Variants in LSP1 observed in about 807,000 individuals in gnomAD.
The protein encoded by LSP1 is lymphocyte-specific protein 1.
Under a neutral mutation model 49.3 loss-of-function variants are expected in LSP1, and 32 were observed. The observed-to-expected ratio is 0.65, with a 90% CI of 0.49 to 0.87. The LOEUF is 0.87. Among genes scored for constraint, LSP1 ranks in the 40% least tolerant of loss-of-function variants. LSP1 has a pLI of 0.00. For synonymous variants in LSP1, 179 were observed against 178.8 expected (o/e 1.00, Z -0.01); for missense variants, 428 against 442.6 (o/e 0.97, Z 0.30).
At chr11:1,874,922 C>T (rs1004683075) in intron 1 of LSP1, among the ~76,000 whole-genome samples, 16 of 152,156 alleles carry the variant, frequency 1.1e-4, no homozygotes, top group African/African-American at 3.9e-4. Flanking sequence ...TGGGGCTGGG[C>T]TTTCTACCTC....
chr11:1,872,906 C>G (rs1309686186), intron 1 of LSP1, among the ~76,000 whole-genome samples: 1 of 151,952 alleles, frequency 6.6e-6, no homozygotes, highest in African/African-American at 2.4e-5. Context: ...TCATGAAGCT[C>G]AGGGGGCTTC....
At chr11:1,875,365 G>T (rs1848264751) in intron 1 of LSP1, among the ~76,000 whole-genome samples, 1 of 152,186 alleles carries the variant, frequency 6.6e-6, no homozygotes, top group Non-Finnish European at 1.5e-5. Flanking sequence ...ACAGGAGGCG[G>T]GGGACCCAGC....
At chr11:1,873,356 C>T (rs1848124928) in intron 1 of LSP1, among the ~76,000 whole-genome samples, 1 of 152,078 alleles carries the variant, frequency 6.6e-6, no homozygotes, top group African/African-American at 2.4e-5. Flanking sequence ...CCTGCCAGCT[C>T]CCCTCTGTGC....
At chr11:1,868,631 C>G in intron 1 of LSP1, 11 of 984,772 alleles carry the variant, frequency 1.1e-5, no homozygotes, top group Non-Finnish European at 1.2e-5. Flanking sequence ...TGGGCCCATC[C>G]AGGCCTGAGA....
chr11:1,881,624 T>G, intron 3 of LSP1, 28 bp downstream of exon 3: 3 of 1,446,288 alleles, frequency 2.1e-6, no homozygotes, highest in Non-Finnish European at 2.7e-6. Flanking sequence ...GGGCGGGCGC[T>G]GGGCAGAGCA....
chr11:1,853,662 G>A (rs61867141), intron 1 of LSP1, among the ~76,000 whole-genome samples: 22,686 of 152,246 alleles, frequency 0.15, 2,122 homozygotes, highest in Admixed American at 0.23. Context: ...CCTGCCTTGA[G>A]GGTCTGGAGG....
intron 10 of LSP1, chr11:1,891,031 C>T (rs749845446): frequency 3.1e-4 from 50 of 163,684 alleles, no homozygotes; most frequent in Non-Finnish European, 5.8e-4. Context: ...CGGCTGCCCC[C>T]AGACACGTGA....
chr11:1,880,333 T>A, intron 2 of LSP1, 109 bp downstream of exon 2: 2 of 1,324,928 alleles, frequency 1.5e-6, no homozygotes, highest in South Asian at 1.7e-5. Context: ...CAGTGCAGGA[T>A]GAGAGCGAGG....
intron 7 of LSP1, among the ~76,000 whole-genome samples, chr11:1,885,451 A>G (rs1848716471): frequency 2.0e-5 from 3 of 151,140 alleles, no homozygotes; most frequent in African/African-American, 7.3e-5. Flanking sequence ...CATTCAATCA[A>G]TTCCCCTCCA....
chr11:1,868,598 T>A (rs1847872635), intron 1 of LSP1: 1 of 958,430 alleles, frequency 1.0e-6, no homozygotes, highest in African/African-American at 1.8e-5. Context: ...CCAACCACAG[T>A]GTCCAAAAGG....
At chr11:1,857,584 G>C (rs543081476) in intron 1 of LSP1, among the ~76,000 whole-genome samples, 1 of 152,308 alleles carries the variant, frequency 6.6e-6, no homozygotes, top group South Asian at 2.1e-4. Flanking sequence ...GGCGGCGGGA[G>C]GGGGATGGGC....
At chr11:1,861,494 G>A (rs1035569789) in intron 1 of LSP1, among the ~76,000 whole-genome samples, 1 of 152,172 alleles carries the variant, frequency 6.6e-6, no homozygotes, top group Non-Finnish European at 1.5e-5. Context: ...ATGGATGGAT[G>A]GATAGATGGG....
intron 1 of LSP1, among the ~76,000 whole-genome samples, chr11:1,877,102 G>T (rs1848343248): frequency 6.6e-6 from 1 of 152,232 alleles, no homozygotes; most frequent in African/African-American, 2.4e-5. Flanking sequence ...CCATCCCAGA[G>T]TCCTGACAGC....
chr11:1,868,959 G>A (rs1370618340), intron 1 of LSP1: 5 of 986,042 alleles, frequency 5.1e-6, no homozygotes, highest in South Asian at 4.7e-5. Context: ...CGGGGACTGA[G>A]CATCCGGCTC....
intron 1 of LSP1, chr11:1,866,624 G>T (rs918998520): frequency 1.3e-6 from 2 of 1,550,288 alleles, no homozygotes; most frequent in African/African-American, 2.7e-5. Flanking sequence ...CTCCTCCTGG[G>T]CTTCCAGGCT....
rs181663387 is a variant in LSP1, at chr11:1,857,337, G to A, written c.53+4140G>A. 9.8e-5 allele frequency among the ~76,000 whole-genome samples: 15 copies of A among 152,326 alleles called. No homozygotes were observed. The East Asian group carries it at 2.5e-3, about 25-fold the overall frequency. ...TGGGGTCCAGCTGGGACAGGCCCTGGCCGGTGACACCCTGGGGTGGCAGGA... is the reference window on the plus strand; with the variant it reads ...TGGGGTCCAGCTGGGACAGGCCCTGACCGGTGACACCCTGGGGTGGCAGGA... On this transcript the variant is annotated intron_variant, in intron 1 of 10. Transcript: ENST00000311604.
intron 1 of LSP1, among the ~76,000 whole-genome samples, chr11:1,878,232 C>G (rs1186545821): frequency 1.3e-5 from 2 of 151,980 alleles, no homozygotes; most frequent in Non-Finnish European, 2.9e-5. Context: ...TCTGCCCCAG[C>G]CTGCGCCGCC....
intron 1 of LSP1, chr11:1,868,684 C>T (rs1258900034): frequency 1.4e-5 from 14 of 985,654 alleles, no homozygotes; most frequent in African/African-American, 3.5e-5. Flanking sequence ...GGCTGGAAGT[C>T]GGTCTTCGGA....
In LSP1 at chr11:1,884,647, C is replaced by A; in HGVS notation, c.717+66C>A. On this transcript the variant is annotated intron_variant, in intron 7 of 10. Transcript: ENST00000311604. This position sits in a 1 kb window ranked among gnomAD's most constrained non-coding sequence, Gnocchi z 4.1. ...TCCTGGCACCATTCCTTCATCCAACCAACGCCCTTCCATCCAATCAGTGCC... is the reference window on the plus strand; with the variant it reads ...TCCTGGCACCATTCCTTCATCCAACAAACGCCCTTCCATCCAATCAGTGCC... 2.2e-6 allele frequency: 3 copies of A among 1,371,810 alleles called. No homozygotes were observed. Among genetic ancestry groups the A allele is most frequent in the Non-Finnish European group, 3.1e-6 (3 of 966,992 alleles). 85.0% of individuals were successfully genotyped at this position (1,371,810 alleles called of 1,614,324 possible).
Sources: gnomAD v4.1 joint callset for allele counts (sites outside exome capture counted in the v4.1 genomes callset) on GRCh38, gnomAD v4.1.1 for gene constraint, Gnocchi (gnomAD v3.1) non-coding constraint, MANE v1.5 for transcripts, NCBI Gene and HGNC (gene_info 2026-07-23, HGNC 2026-07-21) for gene names.